The following ZFP90 variants were observed in gnomAD, a reference collection of about 807,000 sequenced individuals.
ZFP90 encodes ZFP90 zinc finger protein.
ZFP90 carries 38 observed loss-of-function variants against 60.8 expected under a neutral mutation model. The observed-to-expected ratio is 0.62, with a 90% CI of 0.48 to 0.82. The LOEUF is 0.82. ZFP90 is among the 40% of genes least tolerant of loss of function. The pLI is 0.00. For missense variants in ZFP90, 711 were observed against 759.1 expected (o/e 0.94, Z 0.74); for synonymous variants, 287 against 264.8 (o/e 1.08, Z -0.82).
chr16:68,538,553 T>G (rs77417299), upstream of ZFP90, among the ~76,000 whole-genome samples: 2,283 of 151,918 alleles, frequency 0.015, 31 homozygotes, highest in Non-Finnish European at 0.025. Flanking sequence ...TATACAAAAT[T>G]AGACGGGCCT....
At chr16:68,570,112 C>G (rs936194994), downstream of ZFP90, among the ~76,000 whole-genome samples, 4 of 152,020 alleles carry the variant, frequency 2.6e-5, no homozygotes, top group Non-Finnish European at 5.9e-5. Context: ...TTTCTTGCAT[C>G]ACTCAATAGT....
intron 1 of ZFP90, 98 bp downstream of exon 1, chr16:68,539,577 G>T (rs1041109819): frequency 1.0e-4 from 57 of 549,074 alleles, no homozygotes; most frequent in Non-Finnish European, 6.0e-5. Context: ...CCGGAGGGGG[G>T]TGTCCGGGAG....
At chr16:68,554,596 G>A (rs141513409) in intron 2 of ZFP90, among the ~76,000 whole-genome samples, 11 of 152,288 alleles carry the variant, frequency 7.2e-5, no homozygotes, top group South Asian at 2.1e-4. Context: ...TGGAGCAGAC[G>A]TTTGCTTGCT....
downstream of ZFP90, among the ~76,000 whole-genome samples, chr16:68,567,654 C>T (rs969942202): frequency 6.6e-6 from 1 of 152,174 alleles, no homozygotes; most frequent in African/African-American, 2.4e-5. Flanking sequence ...TTTCTATTTC[C>T]TGATGTCCTT....
chr16:68,566,037 G>A lies in ZFP90; in HGVS notation c.*1339G>A. ...TAGTCCCAGCTACTCAGGAGGCTGA[G>A]GTGGGAGGATCACTGGAACCCGGGA... On this transcript the variant is annotated 3_prime_UTR_variant, in exon 5 of 5. Transcript: ENST00000563169. 1 of 865,094 alleles carries A rather than the reference G, an allele frequency of 1.2e-6. No individual in the cohort carries two copies. Among genetic ancestry groups the A allele is most frequent in the Non-Finnish European group, 1.4e-6 (1 of 720,248 alleles). 53.6% of individuals were successfully genotyped at this position (865,094 alleles called of 1,614,324 possible). A position where few individuals can be genotyped will look rare whatever the true frequency, so the allele number is the denominator to read the frequency against.
Position 68,564,285 on chromosome 16 carries a change from A to G in ZFP90, c.1498A>G (p.Asn500Asp), listed in dbSNP as rs1453016800. Residue 500 changes from asparagine to aspartate, a missense_variant, in exon 5 of 5, where the codon AAT becomes GAT. By Grantham distance (23) the Asn-to-Asp change is conservative. This residue lies in a region of ZFP90 where 295 missense variants were observed against 274.0 expected (regional missense o/e 1.08). Transcript: ENST00000563169. ...SHPGEKPYQC[N>D]VCGKAFKRST... ...TCCTGGAGAGAAACCCTATCAATGTAATGTATGTGGGAAAGCTTTCAAAAG... is the reference window on the plus strand; with the variant it reads ...TCCTGGAGAGAAACCCTATCAATGTGATGTATGTGGGAAAGCTTTCAAAAG... 6.2e-7 allele frequency: 1 copy of G among 1,614,112 alleles called. No homozygotes were observed. Among genetic ancestry groups the G allele is most frequent in the Admixed American group, 1.7e-5 (1 of 60,014 alleles).
chr16:68,567,322 T>A (rs974149768), downstream of ZFP90, among the ~76,000 whole-genome samples: 1 of 152,218 alleles, frequency 6.6e-6, no homozygotes, highest in Non-Finnish European at 1.5e-5. Flanking sequence ...TTATAACTTC[T>A]GGTTAGCGGT....
At position 68,564,154 on chromosome 16, in the gene ZFP90, G is replaced by A; in HGVS notation, c.1367G>A (p.Gly456Glu). 1 of 1,614,150 alleles carries A rather than the reference G, an allele frequency of 6.2e-7. No homozygotes were observed. The highest frequency in any genetic ancestry group is 2.2e-5 in the East Asian group (1 of 44,890). Residue 456 changes from glycine (G) to glutamate (E), a missense_variant, in exon 5 of 5, where the codon GGG (glycine) becomes GAG (glutamate). Gly to Glu is a moderately conservative substitution (Grantham distance 98). Transcript: ENST00000563169. ...AAATCCTACCATTGTAATGACTGTG[G>A]GGAAGACTTTAGTCACATTACAGAC... is the stretch of plus-strand genomic sequence containing the variant. ...EVKSYHCNDC[G>E]EDFSHITDFT...
intron 4 of ZFP90, among the ~76,000 whole-genome samples, chr16:68,561,783 T>C (rs1352912746): frequency 1.3e-5 from 2 of 152,356 alleles, no homozygotes; most frequent in Non-Finnish European, 2.9e-5. Context: ...TTAAAAAAAT[T>C]ACAAGGCATT....
chr16:68,564,962 A>G lies in ZFP90; in HGVS notation c.*264A>G. ...TGTATGTTGGACTTTGCTTTTGAAT[A>G]TATGTATGCAGGATATCATCAAGTT... On this transcript the variant is annotated 3_prime_UTR_variant, in exon 5 of 5. Transcript: ENST00000563169. 1 of 1,192,680 alleles carries G rather than the reference A, an allele frequency of 8.4e-7. No homozygotes were observed. The highest frequency in any genetic ancestry group is 3.5e-4 in the Middle Eastern group (1 of 2,896). The allele number at this position is 1,192,680 out of a possible 1,614,324, so 73.9% of individuals were successfully genotyped here.
At chr16:68,545,796 C>CT (rs1175463865) in intron 2 of ZFP90, among the ~76,000 whole-genome samples, 3 of 152,192 alleles carry the variant, frequency 2.0e-5, no homozygotes, top group African/African-American at 7.2e-5. Flanking sequence ...ACCTAGGTGA[C>CT]TGAGCGAGAC....
At chr16:68,549,099 T>A (rs1012424852) in intron 2 of ZFP90, among the ~76,000 whole-genome samples, 2 of 152,156 alleles carry the variant, frequency 1.3e-5, no homozygotes, top group African/African-American at 4.8e-5. Context: ...ACCAGGGTCA[T>A]GCTTCAGAAC....
intron 2 of ZFP90, 132 bp from the exon 3 acceptor site, chr16:68,557,865 TA>T: frequency 8.1e-7 from 1 of 1,239,140 alleles, no homozygotes; most frequent in South Asian, 1.3e-5. Flanking sequence ...TAAGTTTATG[TA>T]ACCCAACATT....
chr16:68,557,364 G>A (rs2091361976), intron 2 of ZFP90: 1 of 439,286 alleles, frequency 2.3e-6, no homozygotes, highest in African/African-American at 2.0e-5. Flanking sequence ...TAATCAGTGG[G>A]TACCTGTGAT....
rs202183485 is a variant in ZFP90, at chr16:68,564,094, C to A, written c.1307C>A (p.Ser436Tyr). 2 of 1,614,050 alleles carry A rather than the reference C, an allele frequency of 1.2e-6. No homozygotes were observed. Among genetic ancestry groups the A allele is most frequent in the South Asian group, 1.1e-5 (1 of 91,088 alleles). Reference sequence around the variant, plus strand: ...AGCATAGATTTCAAGCACAGCACATCTCTCACTCAAGATGAAAGCACTCTT... The same window carrying A: ...AGCATAGATTTCAAGCACAGCACATATCTCACTCAAGATGAAAGCACTCTT... ...NYSIDFKHST[S>Y]LTQDESTLTE... The change falls in exon 5 of 5, where the codon TCT (serine) becomes TAT (tyrosine). Residue 436 changes from serine (S) to tyrosine (Y), a missense_variant. Transcript: ENST00000563169.
intron 2 of ZFP90, 152 bp downstream of exon 2, chr16:68,539,977 T>C: frequency 2.5e-6 from 3 of 1,195,610 alleles, no homozygotes. Flanking sequence ...ACCCCAGGCT[T>C]TGGGGAGCTG....
At chr16:68,567,267 CTT>C (rs2091541942), downstream of ZFP90, 1 of 625,196 alleles carries the variant, frequency 1.6e-6, no homozygotes, top group Non-Finnish European at 2.0e-6. Flanking sequence ...ATGCTTACTA[CTT>C]TAAAGACATT....
At chr16:68,550,172 C>T (rs1322436935) in intron 2 of ZFP90, among the ~76,000 whole-genome samples, 1 of 152,164 alleles carries the variant, frequency 6.6e-6, no homozygotes, top group South Asian at 2.1e-4. Context: ...ATTATCATCT[C>T]TACATGTGAT....
At chr16:68,569,707 T>G (rs1033079482), downstream of ZFP90, among the ~76,000 whole-genome samples, 4 of 151,940 alleles carry the variant, frequency 2.6e-5, no homozygotes, top group African/African-American at 9.7e-5. Context: ...TCGAGACCAG[T>G]CTGGGCAACA....
Sources: allele counts gnomAD v4.1 joint callset (sites outside exome capture counted in the v4.1 genomes callset), GRCh38; gene constraint gnomAD v4.1.1; regional missense constraint gnomAD v4.1.1; transcripts MANE v1.5; gene names NCBI Gene and HGNC (gene_info 2026-07-23, HGNC 2026-07-21).